The following TMEM177 variants were observed in gnomAD, a reference collection of about 807,000 sequenced individuals.
The protein encoded by TMEM177 is transmembrane protein 177.
In TMEM177, 4 loss-of-function variants were observed where a neutral mutation model predicts 14.2. The observed-to-expected ratio is 0.28, with a 90% CI of 0.14 to 0.64. The LOEUF is 0.64. Ranked by LOEUF, TMEM177 falls within the 30% of genes least tolerant of loss-of-function variation. The probability of loss-of-function intolerance (pLI) is 0.82; values close to 1 mark genes in which losing one functional copy is unlikely to be tolerated. For missense variants in TMEM177, 344 were observed against 405.2 expected (o/e 0.85, Z 1.30); for synonymous variants, 179 against 174.5 (o/e 1.03, Z -0.20).
the TMEM177 span, among the ~76,000 whole-genome samples, chr2:119,716,327 T>G: frequency 6.6e-6 from 1 of 152,232 alleles, no homozygotes; most frequent in Non-Finnish European, 1.5e-5. Flanking sequence ...CCGAAAGCAC[T>G]GCTTTCATTT....
the TMEM177 span, among the ~76,000 whole-genome samples, chr2:119,705,826 G>A: frequency 6.6e-6 from 1 of 151,604 alleles, no homozygotes; most frequent in African/African-American, 2.4e-5. Context: ...TTTAGGGTGT[G>A]TCCACTACAC....
At position 119,681,391 on chromosome 2, in the gene TMEM177, A is replaced by G. The variant is rs1688897595; in HGVS notation, c.538A>G (p.Thr180Ala). The change falls in exon 2 of 2, where the codon ACC becomes GCC. Residue 180 changes from threonine (T) to alanine (A), a missense_variant. Transcript: ENST00000272521. ...GCTGGCCCCAGCTTGCCTGGCAGGGACCTGGGCACTGGGCGTGGGTGCCAA... is the reference window on the plus strand; with the variant it reads ...GCTGGCCCCAGCTTGCCTGGCAGGGGCCTGGGCACTGGGCGTGGGTGCCAA... ...ALLAPACLAG[T>A]WALGVGAKYT... 3.7e-6 allele frequency: 6 copies of G among 1,613,682 alleles called. No individual in the cohort carries two copies. The highest frequency in any genetic ancestry group is 5.1e-6 in the Non-Finnish European group (6 of 1,179,654).
chr2:119,685,530 A>G (rs1184452373), downstream of TMEM177: 3 of 630,188 alleles, frequency 4.8e-6, no homozygotes, highest in Admixed American at 5.2e-5. Context: ...CCTCCCCACC[A>G]TGTCCCTATA....
downstream of TMEM177, among the ~76,000 whole-genome samples, chr2:119,691,261 C>T (rs1196919121): frequency 1.3e-5 from 2 of 152,172 alleles, no homozygotes; most frequent in African/African-American, 4.8e-5. Context: ...CCTCAGCTTC[C>T]CTCATATGTA....
the TMEM177 span, among the ~76,000 whole-genome samples, chr2:119,713,261 T>G: frequency 6.6e-6 from 1 of 152,096 alleles, no homozygotes; most frequent in South Asian, 2.1e-4. Flanking sequence ...TAGAGACAGG[T>G]TTCTCCGTGT....
At chr2:119,683,313 C>A (rs1688949121), downstream of TMEM177, among the ~76,000 whole-genome samples, 1 of 152,208 alleles carries the variant, frequency 6.6e-6, no homozygotes, top group Non-Finnish European at 1.5e-5. Flanking sequence ...CGGCACTGGG[C>A]ACGGGCTTGG....
At chr2:119,717,359 A>ATT in the TMEM177 span, among the ~76,000 whole-genome samples, 2 of 151,868 alleles carry the variant, frequency 1.3e-5, no homozygotes, top group Non-Finnish European at 2.9e-5. Flanking sequence ...GAAAAAAAAG[A>ATT]AAAGGAAAGG....
chr2:119,693,635 C>G, the TMEM177 span, among the ~76,000 whole-genome samples: 1 of 152,110 alleles, frequency 6.6e-6, no homozygotes, highest in Non-Finnish European at 1.5e-5. Context: ...TTTAGGGAAG[C>G]CAACACTGAG....
the TMEM177 span, among the ~76,000 whole-genome samples, chr2:119,700,939 G>A: frequency 2.6e-5 from 4 of 152,282 alleles, no homozygotes; most frequent in South Asian, 2.1e-4. Context: ...GCTGGCAACC[G>A]CGATCACAGG....
At chr2:119,697,085 CCT>C in the TMEM177 span, among the ~76,000 whole-genome samples, 1 of 152,240 alleles carries the variant, frequency 6.6e-6, no homozygotes, top group African/African-American at 2.4e-5. Context: ...TTCCAGCACA[CCT>C]TGGCTTCCTC....
chr2:119,715,216 C>A, the TMEM177 span, among the ~76,000 whole-genome samples: 1 of 152,068 alleles, frequency 6.6e-6, no homozygotes, highest in African/African-American at 2.4e-5. Context: ...GACCCTACAT[C>A]TACAAAAAAT....
At chr2:119,682,126 G>GTTTTT (rs34879718), downstream of TMEM177, 19 of 142,004 alleles carry the variant, frequency 1.3e-4, no homozygotes, top group East Asian at 2.2e-4. Context: ...CTTCTTGGTC[G>GTTTTT]TTTTTTTTTT....
At chr2:119,684,871 C>T (rs746442103), downstream of TMEM177, among the ~76,000 whole-genome samples, 1 of 152,066 alleles carries the variant, frequency 6.6e-6, no homozygotes, top group Admixed American at 6.5e-5. Flanking sequence ...TATAATATTG[C>T]GTCCCTACAC....
chr2:119,680,844 G>GA lies in TMEM177; in HGVS notation c.-9dup. ...TTTCTTGGCCCAGATTGTCCGCAGTGACTACACTCATGGCAGGTCCCCTGT... is the reference window on the plus strand; with the variant it reads ...TTTCTTGGCCCAGATTGTCCGCAGTGAACTACACTCATGGCAGGTCCCCTGT... On this transcript the variant is annotated 5_prime_UTR_variant, in exon 2 of 2. Coordinates refer to ENST00000272521, the MANE Select transcript of TMEM177 (RefSeq NM_030577.3). The GA allele has an allele frequency of 1.2e-6, 2 of 1,609,884 alleles. No individual in the cohort carries two copies. Among genetic ancestry groups the GA allele is most frequent in the Non-Finnish European group, 1.7e-6 (2 of 1,176,970 alleles).
At chr2:119,687,022 T>A (rs1689026524), downstream of TMEM177, among the ~76,000 whole-genome samples, 1 of 152,228 alleles carries the variant, frequency 6.6e-6, no homozygotes, top group Non-Finnish European at 1.5e-5. Context: ...TGGTTCATAA[T>A]CCACTCCCCT....
the TMEM177 span, among the ~76,000 whole-genome samples, chr2:119,700,894 T>C: frequency 1.3e-5 from 2 of 152,218 alleles, no homozygotes; most frequent in Non-Finnish European, 2.9e-5. Flanking sequence ...GATCTTTACA[T>C]GCATGCATTT....
chr2:119,713,664 A>AC, the TMEM177 span, among the ~76,000 whole-genome samples: 1 of 151,998 alleles, frequency 6.6e-6, no homozygotes, highest in African/African-American at 2.4e-5. Flanking sequence ...GCATTGAGAG[A>AC]CCCCATCTCT....
the TMEM177 span, among the ~76,000 whole-genome samples, chr2:119,699,254 T>C: frequency 5.3e-5 from 8 of 152,250 alleles, no homozygotes; most frequent in East Asian, 1.5e-3. Context: ...CAAGGACTTA[T>C]TCAACAAGAT....
chr2:119,713,224 CA>C, the TMEM177 span, among the ~76,000 whole-genome samples: 8 of 152,234 alleles, frequency 5.3e-5, no homozygotes, highest in African/African-American at 1.7e-4. Flanking sequence ...CATGTGCCAC[CA>C]AGCCTGACTA....
Sources: gnomAD v4.1 joint callset for allele counts (sites outside exome capture counted in the v4.1 genomes callset) on GRCh38, gnomAD v4.1.1 for gene constraint, MANE v1.5 for transcripts, NCBI Gene and HGNC (gene_info 2026-07-23, HGNC 2026-07-21) for gene names.